The following UBA6 variants were observed in gnomAD, a reference collection of about 807,000 sequenced individuals.
The protein encoded by UBA6 is ubiquitin-like modifier-activating enzyme 6.
A neutral mutation model predicts 148.3 loss-of-function variants in UBA6; 87 were observed. The ratio of observed to expected loss-of-function variants is 0.59; its 90% CI spans 0.49 to 0.70. The LOEUF (loss-of-function observed/expected upper bound fraction) is 0.70. Among genes scored for constraint, UBA6 ranks in the 30% least tolerant of loss-of-function variants. The probability of loss-of-function intolerance (pLI) is 0.00; values close to 1 mark genes in which losing one functional copy is unlikely to be tolerated. For synonymous variants in UBA6, 376 were observed against 401.0 expected (o/e 0.94, Z 0.75); for missense variants, 1,186 against 1,241.2 (o/e 0.96, Z 0.67).
intron 32 of UBA6, among the ~76,000 whole-genome samples, chr4:67,620,613 G>C (rs1301959036): frequency 6.6e-6 from 1 of 152,136 alleles, no homozygotes; most frequent in African/African-American, 2.4e-5. Context: ...GGCAAAGTAG[G>C]GAAGGAACTT....
intron 2 of UBA6, among the ~76,000 whole-genome samples, chr4:67,685,010 A>G (rs910846127): frequency 1.3e-5 from 2 of 152,178 alleles, no homozygotes; most frequent in Non-Finnish European, 2.9e-5. Context: ...TAGCCTTAGC[A>G]TCCATACTCT....
intron 29 of UBA6, 62 bp downstream of exon 29, chr4:67,624,932 G>A (rs12508337): frequency 0.24 from 331,440 of 1,383,098 alleles, 40,791 homozygotes; most frequent in Non-Finnish European, 0.26. Context: ...TTGGTATGAC[G>A]GGGAAGTCAG....
intron 8 of UBA6, among the ~76,000 whole-genome samples, chr4:67,670,223 C>A (rs528355644): frequency 6.6e-6 from 1 of 152,136 alleles, no homozygotes; most frequent in African/African-American, 2.4e-5. Flanking sequence ...GGATTGTAGG[C>A]GTGAGCCACC....
chr4:67,675,372 C>T (rs1283028767), intron 6 of UBA6, among the ~76,000 whole-genome samples: 1 of 152,076 alleles, frequency 6.6e-6, no homozygotes, highest in Non-Finnish European at 1.5e-5. Flanking sequence ...CCTTCTTTTA[C>T]GATTTACTAG....
At chr4:67,648,016 G>T (rs1398487297) in intron 14 of UBA6, among the ~76,000 whole-genome samples, 2 of 150,984 alleles carry the variant, frequency 1.3e-5, no homozygotes, top group Non-Finnish European at 3.0e-5. Flanking sequence ...CTCGTGATCT[G>T]CCCGCCTCGG....
intron 9 of UBA6, among the ~76,000 whole-genome samples, chr4:67,666,905 C>CA (rs1232633086): frequency 1.3e-5 from 2 of 151,718 alleles, no homozygotes; most frequent in Non-Finnish European, 1.5e-5. Context: ...AACGAAAAAA[C>CA]AAAAAAACAA....
intron 10 of UBA6, among the ~76,000 whole-genome samples, chr4:67,664,927 G>A (rs779810305): frequency 3.9e-5 from 6 of 151,968 alleles, no homozygotes; most frequent in Admixed American, 2.0e-4. Flanking sequence ...AGTTCCTTTC[G>A]GGTATACCCA....
chr4:67,648,456 A>G (rs1729474272), intron 14 of UBA6, among the ~76,000 whole-genome samples: 1 of 145,948 alleles, frequency 6.9e-6, no homozygotes, highest in African/African-American at 2.6e-5. Context: ...TAACAGTGTG[A>G]GACTCTGTCT....
chr4:67,624,900 C>CGTTA, intron 29 of UBA6, 94 bp downstream of exon 29: 1 of 1,039,864 alleles, frequency 9.6e-7, no homozygotes, highest in Non-Finnish European at 1.4e-6. Context: ...CCTTCCCTCT[C>CGTTA]TAACATCTCT....
At chr4:67,689,591 G>T (rs1730648589) in intron 2 of UBA6, among the ~76,000 whole-genome samples, 1 of 152,096 alleles carries the variant, frequency 6.6e-6, no homozygotes, top group Non-Finnish European at 1.5e-5. Context: ...TGGTCTTATT[G>T]TAGCAGCTTC....
chr4:67,693,186 C>T (rs1023638197), intron 2 of UBA6, among the ~76,000 whole-genome samples: 1 of 152,134 alleles, frequency 6.6e-6, no homozygotes, highest in African/African-American at 2.4e-5. Context: ...TCCTCCTCCT[C>T]AGCCTACTCA....
At chr4:67,659,490 A>G (rs1279458273) in intron 13 of UBA6, among the ~76,000 whole-genome samples, 1 of 146,974 alleles carries the variant, frequency 6.8e-6, no homozygotes, top group East Asian at 2.0e-4. Context: ...CACCCTGTGA[A>G]GAAGCTGCCT....
chr4:67,656,129 T>C (rs1264697606), intron 13 of UBA6, among the ~76,000 whole-genome samples: 1 of 152,206 alleles, frequency 6.6e-6, no homozygotes, highest in African/African-American at 2.4e-5. Flanking sequence ...GCTGGTACCA[T>C]TCCTTCTGAA....
chr4:67,694,012 A>C (rs577792381), intron 2 of UBA6, among the ~76,000 whole-genome samples: 1 of 151,874 alleles, frequency 6.6e-6, no homozygotes, highest in Admixed American at 6.6e-5. Flanking sequence ...CAAGAGACTG[A>C]GATCATCCTG....
At chr4:67,620,132 G>A (rs1288447946) in intron 32 of UBA6, among the ~76,000 whole-genome samples, 2 of 148,222 alleles carry the variant, frequency 1.3e-5, no homozygotes, top group Non-Finnish European at 2.9e-5. Flanking sequence ...TCATACTTGA[G>A]TCATTCCAAA....
rs183507333 is a variant in UBA6, at chr4:67,664,049, A to C, written c.898-102T>G. 231 of 848,896 alleles carry C rather than the reference A, an allele frequency of 2.7e-4. No homozygotes were observed. The African/African-American group carries it at 3.7e-3, about 14-fold the overall frequency. The allele number at this position is 848,896 out of a possible 1,614,324, so 52.6% of individuals were successfully genotyped here. On this transcript the variant is annotated intron_variant, in intron 10 of 32. Transcript: ENST00000322244. Reference sequence around the variant, plus strand: ...CGCTAAAAACTAGGGAACTCTCCCAAGGGTCTGAAATAAAGTAGGGTTGGG... The same window carrying C: ...CGCTAAAAACTAGGGAACTCTCCCACGGGTCTGAAATAAAGTAGGGTTGGG...
At chr4:67,666,365 A>G (rs180937807) in intron 9 of UBA6, among the ~76,000 whole-genome samples, 2 of 150,694 alleles carry the variant, frequency 1.3e-5, no homozygotes, top group African/African-American at 4.9e-5. Flanking sequence ...AGGCATATAT[A>G]CTATATAATA....
intron 32 of UBA6, among the ~76,000 whole-genome samples, chr4:67,622,183 C>T (rs923421920): frequency 2.6e-5 from 4 of 152,146 alleles, no homozygotes; most frequent in South Asian, 2.1e-4. Context: ...GTCTTGCAGA[C>T]CACGATAAAG....
chr4:67,693,115 C>T (rs1388241088), intron 2 of UBA6, among the ~76,000 whole-genome samples: 5 of 152,076 alleles, frequency 3.3e-5, no homozygotes, highest in Admixed American at 2.6e-4. Context: ...TTTCCCTACC[C>T]TTCTGCCTCC....
Sources: gnomAD v4.1 joint callset for allele counts (sites outside exome capture counted in the v4.1 genomes callset) on GRCh38, gnomAD v4.1.1 for gene constraint, MANE v1.5 for transcripts, NCBI Gene and HGNC (gene_info 2026-07-23, HGNC 2026-07-21) for gene names.